Variants in XPNPEP1 observed in about 807,000 individuals in gnomAD.
XPNPEP1 encodes the protein xaa-Pro aminopeptidase 1.
XPNPEP1 carries 39 observed loss-of-function variants against 92.4 expected under a neutral mutation model. That is an observed-to-expected ratio of 0.42 (90% CI 0.33 to 0.55). The LOEUF is 0.55. Among genes scored for constraint, XPNPEP1 ranks in the 20% least tolerant of loss-of-function variants. XPNPEP1 has a pLI of 0.08. For synonymous variants in XPNPEP1, 307 were observed against 299.4 expected, an observed-to-expected ratio of 1.03 and a Z score of -0.26; for missense variants, 654 against 856.1, an observed-to-expected ratio of 0.76 and a Z score of 2.95.
At chr10:109,904,536 T>C (rs1399366844) in intron 3 of XPNPEP1, among the ~76,000 whole-genome samples, 3 of 151,968 alleles carry the variant, frequency 2.0e-5, no homozygotes, top group Non-Finnish European at 2.9e-5. Flanking sequence ...GAATACTTTA[T>C]CCCCTCCTTA....
chr10:109,910,641 T>C (rs978853854), intron 2 of XPNPEP1, among the ~76,000 whole-genome samples: 3 of 152,198 alleles, frequency 2.0e-5, no homozygotes, highest in African/African-American at 7.2e-5. Flanking sequence ...TACTCCATTG[T>C]CTGGATGTAC....
At chr10:109,905,367 G>A (rs188938031) in intron 3 of XPNPEP1, among the ~76,000 whole-genome samples, 1 of 152,254 alleles carries the variant, frequency 6.6e-6, no homozygotes, top group Admixed American at 6.5e-5. Flanking sequence ...GTGCTACCAA[G>A]CCTGGCTAAT....
At chr10:109,875,799 TC>T (rs1847751494) in intron 14 of XPNPEP1, 200 bp from the exon 15 acceptor site, 2 of 485,380 alleles carry the variant, frequency 4.1e-6, no homozygotes, top group Non-Finnish European at 7.4e-6. Flanking sequence ...TCAACCTATC[TC>T]CCCAGCTGAG....
At chr10:109,880,135 A>T in intron 12 of XPNPEP1, 53 bp downstream of exon 12, 1 of 1,551,982 alleles carries the variant, frequency 6.4e-7, no homozygotes, top group Non-Finnish European at 8.9e-7. Context: ...AATCACATAT[A>T]GGTAGGTCTG....
chr10:109,911,452 T>C (rs971038749), intron 2 of XPNPEP1, among the ~76,000 whole-genome samples: 12 of 152,100 alleles, frequency 7.9e-5, no homozygotes, highest in Non-Finnish European at 1.6e-4. Context: ...TTCTCACCTA[T>C]CAGAGAAAAA....
In XPNPEP1 at chr10:109,865,307, G is replaced by T. The variant is rs1232080859; in HGVS notation, c.1878C>A (p.Asp626Glu). 1 of 1,614,028 alleles carries T rather than the reference G, an allele frequency of 6.2e-7. No individual in the cohort carries two copies. The highest frequency in any genetic ancestry group is 2.2e-5 in the East Asian group (1 of 44,890). ...DVDSLTDKEC[D>E]WLNNYHLTCR... Reference sequence around the variant, plus strand: ...AGGTCAGGTGGTAATTGTTGAGCCAGTCGCACTGCAGGGAAGAGAAGGACA... The same window carrying T: ...AGGTCAGGTGGTAATTGTTGAGCCATTCGCACTGCAGGGAAGAGAAGGACA... The change falls in exon 21 of 21, where the codon GAC (aspartate) becomes GAA (glutamate). Residue 626 changes from aspartate (D) to glutamate (E), a missense_variant. Transcript: ENST00000502935.
intron 18 of XPNPEP1, among the ~76,000 whole-genome samples, chr10:109,870,393 A>C (rs965134087): frequency 6.6e-6 from 1 of 152,242 alleles, no homozygotes; most frequent in Non-Finnish European, 1.5e-5. Context: ...TGTATCAAGT[A>C]AGAAAGCAGA....
intron 4 of XPNPEP1, 42 bp downstream of exon 4, chr10:109,892,970 G>A (rs765519592): frequency 9.4e-6 from 15 of 1,598,748 alleles, no homozygotes; most frequent in South Asian, 4.5e-5. Flanking sequence ...TTTAGGAGGC[G>A]AACAAAGGTG....
intron 17 of XPNPEP1, 146 bp from the exon 18 acceptor site, chr10:109,871,050 T>G (rs1564745367): frequency 3.4e-6 from 3 of 895,448 alleles, no homozygotes; most frequent in Non-Finnish European, 3.2e-6. Context: ...GGAAGAACTT[T>G]CTAACAATCA....
chr10:109,882,393 G>T (rs956009578), intron 10 of XPNPEP1, 39 bp downstream of exon 10: 1 of 1,593,772 alleles, frequency 6.3e-7, no homozygotes, highest in South Asian at 1.1e-5. Context: ...CTGGGAAGGG[G>T]GTGGCAGAGT....
intron 2 of XPNPEP1, among the ~76,000 whole-genome samples, chr10:109,908,365 G>A (rs922686784): frequency 6.6e-6 from 1 of 152,242 alleles, no homozygotes; most frequent in African/African-American, 2.4e-5. Context: ...AGCACTTTGG[G>A]AGGCCAAAGC....
At chr10:109,900,943 A>G (rs191915663) in intron 3 of XPNPEP1, among the ~76,000 whole-genome samples, 2 of 152,288 alleles carry the variant, frequency 1.3e-5, no homozygotes, top group Admixed American at 6.5e-5. Context: ...GTATATACCC[A>G]AAGGATTATA....
In XPNPEP1 at chr10:109,897,884, C is replaced by G. The variant is rs373744756; in HGVS notation, c.247-4809G>C. Among the ~76,000 whole-genome samples the G allele has an allele frequency of 2.8e-4, 43 of 152,158 alleles. No homozygotes were observed. The East Asian group carries it at 6.8e-3, about 24-fold the overall frequency. ...GGTCAGGCTGGTCTCGAACTCCTGA[C>G]CTCAAGTGATCCGCCTGCCTCGACC... On this transcript the variant is annotated intron_variant, in intron 3 of 20. Transcript: ENST00000502935.
chr10:109,911,224 T>C (rs559596423), intron 2 of XPNPEP1, among the ~76,000 whole-genome samples: 3 of 152,360 alleles, frequency 2.0e-5, no homozygotes, highest in African/African-American at 7.2e-5. Flanking sequence ...TACTCATAAC[T>C]CAAGCATATC....
intron 15 of XPNPEP1, among the ~76,000 whole-genome samples, chr10:109,874,649 G>A (rs930812486): frequency 6.6e-6 from 1 of 152,204 alleles, no homozygotes; most frequent in Non-Finnish European, 1.5e-5. Context: ...GAATGGAGCA[G>A]CACTAAAAGG....
chr10:109,894,293 C>T (rs1014142038), intron 3 of XPNPEP1, among the ~76,000 whole-genome samples: 6 of 152,040 alleles, frequency 3.9e-5, no homozygotes, highest in Admixed American at 6.6e-5. Context: ...GCACTTTGGG[C>T]GGCTGAGGTG....
intron 6 of XPNPEP1, 141 bp downstream of exon 6, chr10:109,888,362 T>C (rs1027961266): frequency 8.9e-6 from 11 of 1,230,194 alleles, no homozygotes; most frequent in Middle Eastern, 2.8e-4. Context: ...AGTGGAACTC[T>C]TCTCTTCACC....
chr10:109,893,260 A>G, intron 3 of XPNPEP1, 185 bp from the exon 4 acceptor site: 1 of 525,800 alleles, frequency 1.9e-6, no homozygotes, highest in South Asian at 3.1e-5. Flanking sequence ...AGATTGAATT[A>G]ATTAAGGGCA....
chr10:109,883,057 C>T (rs559276458), intron 9 of XPNPEP1, among the ~76,000 whole-genome samples: 1 of 152,328 alleles, frequency 6.6e-6, no homozygotes, highest in South Asian at 2.1e-4. Context: ...ATATTCTTTA[C>T]AACTTGTACA....
Sources: allele counts gnomAD v4.1 joint callset (sites outside exome capture counted in the v4.1 genomes callset), GRCh38; gene constraint gnomAD v4.1.1; transcripts MANE v1.5; gene names NCBI Gene and HGNC (gene_info 2026-07-23, HGNC 2026-07-21).